The following PDE4B variants were observed in gnomAD, a reference collection of about 807,000 sequenced individuals.
PDE4B encodes phosphodiesterase 4B, also known as 3',5'-cyclic-AMP phosphodiesterase 4B.
In PDE4B, 20 loss-of-function variants were observed where a neutral mutation model predicts 82.2. That is an observed-to-expected ratio of 0.24 (90% CI 0.17 to 0.35). The LOEUF is 0.35. Among genes scored for constraint, PDE4B ranks in the 10% least tolerant of loss-of-function variants. PDE4B has a pLI of 1.00. For missense variants in PDE4B, 655 were observed against 907.2 expected, an observed-to-expected ratio of 0.72 and a Z score of 3.57; for synonymous variants, 320 against 318.9, an observed-to-expected ratio of 1.00 and a Z score of -0.04.
intron 3 of PDE4B, among the ~76,000 whole-genome samples, chr1:66,167,853 T>C (rs934200823): frequency 3.1e-4 from 47 of 152,318 alleles, no homozygotes; most frequent in Admixed American, 1.8e-3. Flanking sequence ...ATTTTATATT[T>C]TCTTCATAAT....
intron 3 of PDE4B, among the ~76,000 whole-genome samples, chr1:66,020,055 A>G (rs1416192577): frequency 6.6e-6 from 1 of 152,232 alleles, no homozygotes; most frequent in Non-Finnish European, 1.5e-5. Flanking sequence ...ATCGACAAGC[A>G]TATATTGATA....
At chr1:65,884,216 A>C (rs1489634265) in intron 1 of PDE4B, among the ~76,000 whole-genome samples, 1 of 152,178 alleles carries the variant, frequency 6.6e-6, no homozygotes, top group East Asian at 1.9e-4. Flanking sequence ...TGATTGGAAT[A>C]GTTTCAGAAG....
At chr1:65,843,308 T>C (rs1646229913) in intron 1 of PDE4B, among the ~76,000 whole-genome samples, 1 of 152,132 alleles carries the variant, frequency 6.6e-6, no homozygotes, top group Non-Finnish European at 1.5e-5. Context: ...ATTACAAAGA[T>C]TCATTTGCTG....
intron 7 of PDE4B, among the ~76,000 whole-genome samples, chr1:66,293,839 G>C (rs1470582810): frequency 6.6e-6 from 1 of 152,154 alleles, no homozygotes; most frequent in Non-Finnish European, 1.5e-5. Context: ...TGATTTTGTT[G>C]TTGTTGTTCT....
Position 66,247,577 on chromosome 1 carries a change from A to C in PDE4B, c.399A>C (p.Ser133=), listed in dbSNP as rs1333747817. ...CTGGGCACAGCCAGCGCAGAGAGTCATTTCTCTACAGATCAGACAGCGACT... is the reference window on the plus strand; with the variant it reads ...CTGGGCACAGCCAGCGCAGAGAGTCCTTTCTCTACAGATCAGACAGCGACT... ...TFPGHSQRRE[S]FLYRSDSDYD... The change falls in exon 4 of 17, where the codon TCA becomes TCC. Residue 133 remains serine, a synonymous_variant. Transcript: ENST00000341517. 2.5e-6 allele frequency: 4 copies of C among 1,611,528 alleles called. No individual in the cohort carries two copies. The highest frequency in any genetic ancestry group is 3.4e-6 in the Non-Finnish European group (4 of 1,178,688).
At chr1:65,905,584 TG>T (rs1268767898) in intron 1 of PDE4B, among the ~76,000 whole-genome samples, 1 of 152,106 alleles carries the variant, frequency 6.6e-6, no homozygotes, top group Non-Finnish European at 1.5e-5. Flanking sequence ...AATGCAAAGC[TG>T]GGGATTAATA....
chr1:65,806,877 G>A (rs1430798360), intron 1 of PDE4B, among the ~76,000 whole-genome samples: 1 of 152,122 alleles, frequency 6.6e-6, no homozygotes, highest in African/African-American at 2.4e-5. Context: ...CTGATTTCAG[G>A]GCTGTAATTG....
chr1:66,152,490 G>A (rs928604091), intron 3 of PDE4B: 15 of 321,214 alleles, frequency 4.7e-5, no homozygotes, highest in African/African-American at 2.5e-4. Flanking sequence ...AGCATTGGAA[G>A]CCAGTATCAG....
intron 3 of PDE4B, among the ~76,000 whole-genome samples, chr1:66,168,783 T>A (rs1646784881): frequency 6.6e-6 from 1 of 152,204 alleles, no homozygotes; most frequent in East Asian, 1.9e-4. Context: ...TAAGAGGAAG[T>A]CCAGTTAGAA....
chr1:66,194,136 A>G (rs542622296), intron 3 of PDE4B, among the ~76,000 whole-genome samples: 27 of 152,182 alleles, frequency 1.8e-4, no homozygotes, highest in Non-Finnish European at 2.6e-4. Flanking sequence ...CCTTTTGCAC[A>G]GGAAGATTGC....
At chr1:65,982,321 G>GT (rs1650729866) in intron 3 of PDE4B, among the ~76,000 whole-genome samples, 1 of 152,124 alleles carries the variant, frequency 6.6e-6, no homozygotes, top group African/African-American at 2.4e-5. Flanking sequence ...GCAAAGGGTC[G>GT]CAAACACATC....
At chr1:66,173,190 C>T (rs1646870841) in intron 3 of PDE4B, among the ~76,000 whole-genome samples, 1 of 152,168 alleles carries the variant, frequency 6.6e-6, no homozygotes, top group Non-Finnish European at 1.5e-5. Flanking sequence ...TATAGCATAG[C>T]ATGACTCATC....
intron 1 of PDE4B, among the ~76,000 whole-genome samples, chr1:65,869,924 G>T (rs1221224067): frequency 6.6e-6 from 1 of 151,672 alleles, no homozygotes; most frequent in Non-Finnish European, 1.5e-5. Flanking sequence ...GGCAATTATA[G>T]CCTTTAGTCA....
intron 3 of PDE4B, among the ~76,000 whole-genome samples, chr1:66,242,173 G>T (rs7367706): frequency 0.16 from 24,047 of 152,108 alleles, 3,468 homozygotes; most frequent in East Asian, 0.37. Context: ...AAGGTGTAAT[G>T]AAAAGAGGTC....
At chr1:66,263,250 C>G (rs2101721932) in intron 6 of PDE4B, among the ~76,000 whole-genome samples, 1 of 152,308 alleles carries the variant, frequency 6.6e-6, no homozygotes, top group Non-Finnish European at 1.5e-5. Context: ...GAGGGCCACT[C>G]ACAGAGGGAA....
chr1:66,266,220 T>A (rs1570586705), intron 7 of PDE4B, 133 bp downstream of exon 7: 1 of 732,422 alleles, frequency 1.4e-6, no homozygotes, highest in South Asian at 1.5e-5. Flanking sequence ...TCTTGGTGAC[T>A]TTTTTCTAAG....
At position 65,836,873 on chromosome 1, in the gene PDE4B, C is replaced by G. The variant is rs114409055; in HGVS notation, c.-71+43625C>G. On this transcript the variant is annotated intron_variant, in intron 1 of 16. Coordinates refer to ENST00000341517, the MANE Select transcript of PDE4B (RefSeq NM_002600.4). ...GCCTGACCGTCCATTCTCCATTCTT[C>G]CTTCCTATGAGAGACACTGCTTTCT... Among the ~76,000 whole-genome samples the G allele has an allele frequency of 5.0e-3, 758 of 152,250 alleles. 8 individuals carry two copies. Among genetic ancestry groups the G allele is most frequent in the African/African-American group, 0.018 (734 of 41,550 alleles).
At chr1:66,058,176 CA>C (rs1655400722) in intron 3 of PDE4B, among the ~76,000 whole-genome samples, 1 of 152,204 alleles carries the variant, frequency 6.6e-6, no homozygotes, top group Non-Finnish European at 1.5e-5. Context: ...TTAAAGCTCC[CA>C]AATGATCTCC....
chr1:65,993,000 C>T (rs369469512), intron 3 of PDE4B: 12 of 1,613,832 alleles, frequency 7.4e-6, no homozygotes, highest in Middle Eastern at 1.6e-4. Flanking sequence ...AGAACTTGAG[C>T]TTCCGAGATT....
Sources: gnomAD v4.1 joint callset for allele counts (sites outside exome capture counted in the v4.1 genomes callset) on GRCh38, gnomAD v4.1.1 for gene constraint, MANE v1.5 for transcripts, NCBI Gene and HGNC (gene_info 2026-07-23, HGNC 2026-07-21) for gene names.